SLIT1: variants seen among roughly 807,000 people sequenced by gnomAD.
SLIT1 encodes the protein slit homolog 1 protein.
SLIT1 carries 66 observed loss-of-function variants against 186.1 expected under a neutral mutation model. The observed-to-expected ratio is 0.35, with a 90% CI of 0.29 to 0.44. SLIT1 has a LOEUF of 0.44. SLIT1 is among the 20% of genes least tolerant of loss of function. SLIT1 has a pLI of 1.00. For synonymous variants in SLIT1, 761 were observed against 833.8 expected (o/e 0.91, Z 1.50); for missense variants, 1,638 against 2,037.4 (o/e 0.80, Z 3.77).
Position 97,010,055 on chromosome 10 carries a change from C to T in SLIT1, c.3341+938G>A, listed in dbSNP as rs969976372. Among the ~76,000 whole-genome samples, 1 of 152,194 alleles carries T rather than the reference C, an allele frequency of 6.6e-6. No homozygotes were observed. The highest frequency in any genetic ancestry group is 2.4e-5 in the African/African-American group (1 of 41,438). ...ATACGACTCAGAAAATCCACTCCTA[C>T]GCATATACCCAAGAGACTGAAAAAT... On this transcript the variant is annotated intron_variant, in intron 31 of 36. Coordinates refer to ENST00000266058, the MANE Select transcript of SLIT1 (RefSeq NM_003061.3). The surrounding 1 kb of genome is among the most constrained non-coding windows in gnomAD (Gnocchi z 4.8).
chr10:97,110,931 A>G (rs531313790), intron 4 of SLIT1, among the ~76,000 whole-genome samples: 1 of 152,350 alleles, frequency 6.6e-6, no homozygotes, highest in African/African-American at 2.4e-5. Flanking sequence ...GGCTGGGCAC[A>G]GTGGCTCATG....
chr10:97,163,349 C>A (rs750149519), intron 3 of SLIT1, 31 bp downstream of exon 3: 19 of 1,597,150 alleles, frequency 1.2e-5, no homozygotes, highest in Non-Finnish European at 1.5e-5. Flanking sequence ...CAGCCCCCCG[C>A]CCTCCTGGCC....
chr10:97,063,357 T>C, intron 8 of SLIT1, 98 bp downstream of exon 8: 4 of 1,366,006 alleles, frequency 2.9e-6, no homozygotes, highest in Non-Finnish European at 2.1e-6. Flanking sequence ...CAGGAGGTGA[T>C]GGGCAGGCCA....
intron 1 of SLIT1, among the ~76,000 whole-genome samples, chr10:97,167,295 C>T (rs577132365): frequency 5.3e-5 from 8 of 152,332 alleles, no homozygotes; most frequent in Non-Finnish European, 1.0e-4. Flanking sequence ...CTCTGCACCC[C>T]GGCCTTTCTT....
At chr10:97,119,304 G>C (rs1008289305) in intron 4 of SLIT1, among the ~76,000 whole-genome samples, 2 of 152,148 alleles carry the variant, frequency 1.3e-5, no homozygotes, top group African/African-American at 2.4e-5. Context: ...ATCCTCCCAG[G>C]TGGGAAGTGG....
intron 4 of SLIT1, among the ~76,000 whole-genome samples, chr10:97,137,708 C>T (rs1206054304): frequency 6.6e-6 from 1 of 152,100 alleles, no homozygotes; most frequent in Non-Finnish European, 1.5e-5. Flanking sequence ...ACCTCAGCCT[C>T]CAAAGTAGCT....
At chr10:97,163,343 C>T (rs768759247) in intron 3 of SLIT1, 37 bp downstream of exon 3, 7 of 1,584,414 alleles carry the variant, frequency 4.4e-6, no homozygotes, top group East Asian at 2.2e-5. Flanking sequence ...TCGTGCCAGC[C>T]CCCCGCCCTC....
chr10:97,054,064 G>A (rs1232693169), intron 13 of SLIT1, among the ~76,000 whole-genome samples: 1 of 152,112 alleles, frequency 6.6e-6, no homozygotes, highest in East Asian at 2.0e-4. Flanking sequence ...AGTTCTGTGG[G>A]CTGGACGAGT....
At chr10:97,087,081 A>G (rs1235049233) in intron 4 of SLIT1, among the ~76,000 whole-genome samples, 1 of 142,368 alleles carries the variant, frequency 7.0e-6, no homozygotes, top group Non-Finnish European at 1.5e-5. Context: ...TCTAAAAAAT[A>G]AGGTCTATTA....
intron 4 of SLIT1, among the ~76,000 whole-genome samples, chr10:97,077,640 C>T (rs986953974): frequency 2.6e-5 from 4 of 152,142 alleles, no homozygotes; most frequent in African/African-American, 4.8e-5. Flanking sequence ...TTGTATTGTC[C>T]GTGAGGCTTC....
At chr10:97,181,051 T>C (rs1850330502) in intron 1 of SLIT1, among the ~76,000 whole-genome samples, 1 of 152,274 alleles carries the variant, frequency 6.6e-6, no homozygotes, top group African/African-American at 2.4e-5. Flanking sequence ...ACTATCAACC[T>C]GCACAGCTGT....
At chr10:97,071,613 A>G (rs1450890685) in intron 4 of SLIT1, among the ~76,000 whole-genome samples, 2 of 152,246 alleles carry the variant, frequency 1.3e-5, no homozygotes, top group Non-Finnish European at 2.9e-5. Context: ...GGAGGAATCA[A>G]TGGCGGGTAC....
chr10:97,185,194 G>A (rs916018721), intron 1 of SLIT1, among the ~76,000 whole-genome samples: 2 of 152,264 alleles, frequency 1.3e-5, no homozygotes, highest in African/African-American at 4.8e-5. Context: ...TAAAGCGCTG[G>A]CGCAGTGAGG....
chr10:97,116,113 G>A (rs556150282), intron 4 of SLIT1, among the ~76,000 whole-genome samples: 25 of 152,236 alleles, frequency 1.6e-4, no homozygotes, highest in Admixed American at 1.0e-3. Context: ...TACATTTCAC[G>A]GGCTGTTGAA....
intron 1 of SLIT1, among the ~76,000 whole-genome samples, chr10:97,172,440 T>G (rs1850202813): frequency 6.6e-6 from 1 of 152,244 alleles, no homozygotes; most frequent in Admixed American, 6.5e-5. Flanking sequence ...CCGTGTTTTC[T>G]CACTATTGTA....
intron 25 of SLIT1, among the ~76,000 whole-genome samples, chr10:97,026,876 G>A (rs1286928267): frequency 6.6e-6 from 1 of 152,184 alleles, no homozygotes; most frequent in African/African-American, 2.4e-5. Flanking sequence ...AATCATCTTC[G>A]TGTAGGTAAG....
rs41284250 is a variant in SLIT1, at chr10:97,040,074, C to T, written c.2211G>A (p.Glu737=). Residue 737 remains glutamate (E), a synonymous_variant, in exon 21 of 37, where the codon GAG becomes GAA. Coordinates refer to ENST00000266058, the MANE Select transcript of SLIT1 (RefSeq NM_003061.3). Reference sequence around the variant, plus strand: ...GGACCACGGTGTCCAGGCAGGCGCACTCCTGTGGGCACTGTGGGCGGGGCA... The same window carrying T: ...GGACCACGGTGTCCAGGCAGGCGCATTCCTGTGGGCACTGTGGGCGGGGCA... ...GCLPRPQCPQ[E]CACLDTVVRC... is the part of the protein sequence containing the mutation. 9.3e-5 allele frequency: 149 copies of T among 1,606,252 alleles called. No individual in the cohort carries two copies. The highest frequency in any genetic ancestry group is 3.3e-4 in the Middle Eastern group (2 of 6,024).
intron 2 of SLIT1, among the ~76,000 whole-genome samples, chr10:97,164,502 T>C (rs959959931): frequency 6.6e-6 from 1 of 152,178 alleles, no homozygotes; most frequent in African/African-American, 2.4e-5. Context: ...TTGTCAGCTC[T>C]GACCTCAGAG....
intron 4 of SLIT1, among the ~76,000 whole-genome samples, chr10:97,085,104 T>C (rs886813790): frequency 5.3e-5 from 8 of 151,900 alleles, no homozygotes; most frequent in Admixed American, 5.2e-4. Flanking sequence ...TTTGTATTTT[T>C]AGTAGAGACA....
Sources: gnomAD v4.1 joint callset for allele counts (sites outside exome capture counted in the v4.1 genomes callset) on GRCh38, gnomAD v4.1.1 for gene constraint, Gnocchi (gnomAD v3.1) non-coding constraint, MANE v1.5 for transcripts, NCBI Gene and HGNC (gene_info 2026-07-23, HGNC 2026-07-21) for gene names.